The following TBL1X variants were observed in gnomAD, a reference collection of about 807,000 sequenced individuals.
TBL1X encodes the protein F-box-like/WD repeat-containing protein TBL1X.
A neutral mutation model predicts 50.7 loss-of-function variants in TBL1X; 10 were observed. The observed-to-expected ratio is 0.20, with a 90% CI of 0.12 to 0.33. TBL1X has a LOEUF of 0.33. TBL1X is among the 10% of genes least tolerant of loss of function. TBL1X has a pLI of 1.00. For missense variants in TBL1X, 340 were observed against 504.4 expected, an observed-to-expected ratio of 0.67 and a Z score of 3.12; for synonymous variants, 190 against 214.7, an observed-to-expected ratio of 0.88 and a Z score of 1.01.
intron 2 of TBL1X, among the ~76,000 whole-genome samples, chrX:9,582,323 G>T (rs1478367633): frequency 8.9e-6 from 1 of 112,241 alleles, no homozygotes; most frequent in Non-Finnish European, 1.9e-5. Flanking sequence ...ACACTTCTTT[G>T]CAAGCAATTT....
At chrX:9,672,993 G>T (rs1010489695) in intron 5 of TBL1X, among the ~76,000 whole-genome samples, 2 of 111,721 alleles carry the variant, frequency 1.8e-5, no homozygotes. Context: ...CATAGATGGC[G>T]CCTTCTCCCT....
intron 2 of TBL1X, among the ~76,000 whole-genome samples, chrX:9,600,497 C>T (rs1163826711): frequency 9.7e-6 from 1 of 102,925 alleles, no homozygotes; most frequent in Non-Finnish European, 2.0e-5. Context: ...AATGTCCGGA[C>T]CATAGAATAG....
intron 2 of TBL1X, among the ~76,000 whole-genome samples, chrX:9,523,832 T>G (rs1481927590): frequency 9.0e-6 from 1 of 111,379 alleles, no homozygotes; most frequent in Non-Finnish European, 1.9e-5. Context: ...AAAATAAAAG[T>G]AGAATCATAA....
At chrX:9,466,221 C>T (rs1332972738) in intron 1 of TBL1X, among the ~76,000 whole-genome samples, 1 of 112,588 alleles carries the variant, frequency 8.9e-6, no homozygotes, top group African/African-American at 3.2e-5. Flanking sequence ...GCCTTGCTAT[C>T]CAGGGGGACC....
At chrX:9,613,544 T>C in intron 2 of TBL1X, among the ~76,000 whole-genome samples, 1 of 111,940 alleles carries the variant, frequency 8.9e-6, no homozygotes, top group East Asian at 2.8e-4. Context: ...AATTGAGATA[T>C]AGTACAAATG....
chrX:9,474,454 G>C (rs1056903696), intron 1 of TBL1X, among the ~76,000 whole-genome samples: 2 of 113,385 alleles, frequency 1.8e-5, no homozygotes, highest in Admixed American at 9.3e-5. Context: ...AGATCCACCA[G>C]CTTAAGGACT....
chrX:9,675,283 C>A (rs2082986552), intron 5 of TBL1X, among the ~76,000 whole-genome samples: 1 of 111,454 alleles, frequency 9.0e-6, no homozygotes, highest in Non-Finnish European at 1.9e-5. Context: ...AATGCGCCAT[C>A]TTGGTGATGC....
chrX:9,469,423 A>G (rs5934618), intron 1 of TBL1X, among the ~76,000 whole-genome samples: 11,173 of 111,585 alleles, frequency 0.1, 1,002 homozygotes, highest in East Asian at 0.66. Context: ...TCGGCCTCCC[A>G]AAGTGCTGGG....
intron 2 of TBL1X, among the ~76,000 whole-genome samples, chrX:9,594,363 G>A (rs2082517403): frequency 8.9e-6 from 1 of 112,129 alleles, no homozygotes; most frequent in African/African-American, 3.2e-5. Context: ...TTTTTAGGTG[G>A]AGGTTAGTAT....
chrX:9,626,247 T>C (rs1465534638), intron 2 of TBL1X, among the ~76,000 whole-genome samples: 8 of 111,874 alleles, frequency 7.2e-5, no homozygotes, highest in Non-Finnish European at 9.4e-5. Flanking sequence ...CAGCATCCCA[T>C]GCCCAGACAC....
chrX:9,516,291 C>T (rs751178966), intron 2 of TBL1X, among the ~76,000 whole-genome samples: 3 of 111,803 alleles, frequency 2.7e-5, no homozygotes, highest in Non-Finnish European at 5.6e-5. Flanking sequence ...TCTCTTTTCT[C>T]TCCCCCACTG....
At chrX:9,470,683 G>T (rs2081808970) in intron 1 of TBL1X, among the ~76,000 whole-genome samples, 1 of 111,515 alleles carries the variant, frequency 9.0e-6, no homozygotes, top group Admixed American at 9.5e-5. Flanking sequence ...TTCCCAGGTT[G>T]GAGTGCAGTG....
chrX:9,682,710 C>G (rs903114070), intron 5 of TBL1X, among the ~76,000 whole-genome samples: 1 of 112,152 alleles, frequency 8.9e-6, no homozygotes, highest in African/African-American at 3.2e-5. Context: ...GCCACTGCCC[C>G]TCATTGGCTG....
intron 5 of TBL1X, among the ~76,000 whole-genome samples, chrX:9,662,863 G>T (rs1332376583): frequency 8.9e-6 from 1 of 112,255 alleles, no homozygotes; most frequent in Non-Finnish European, 1.9e-5. Context: ...AGGCTGAGGT[G>T]GGGGGATCAC....
At chrX:9,564,765 G>T (rs186826926) in intron 2 of TBL1X, among the ~76,000 whole-genome samples, 5 of 109,152 alleles carry the variant, frequency 4.6e-5, no homozygotes, top group Non-Finnish European at 7.6e-5. Context: ...GAGAAAGTTT[G>T]GTGTTAGTGT....
chrX:9,491,339 T>TATATATA (rs1491249258), intron 1 of TBL1X, among the ~76,000 whole-genome samples: 9 of 19,225 alleles, frequency 4.7e-4, no homozygotes, highest in Admixed American at 8.9e-4. Flanking sequence ...TATATATATA[T>TATATATA]TTTTTTTTTT....
chrX:9,657,899 A>G (rs2082873469), intron 5 of TBL1X, among the ~76,000 whole-genome samples: 1 of 112,344 alleles, frequency 8.9e-6, no homozygotes, highest in South Asian at 3.7e-4. Flanking sequence ...GGCTTTGACG[A>G]GTGATATGGT....
At position 9,655,804 on chromosome X, in the gene TBL1X, C is replaced by T. The variant is rs758228460; in HGVS notation, c.211+1482C>T. On this transcript the variant is annotated intron_variant, in intron 5 of 17. Transcript: ENST00000645353. Reference sequence around the variant, plus strand: ...AGCTGGCCTGGTAGGGTAGACTGTACGCATTGGAGCCACACAGAATGGCTC... The same window carrying T: ...AGCTGGCCTGGTAGGGTAGACTGTATGCATTGGAGCCACACAGAATGGCTC... Among the ~76,000 whole-genome samples the T allele has an allele frequency of 5.4e-5, 6 of 112,025 alleles. No homozygotes were observed. The South Asian group carries it at 1.5e-3, about 28-fold the overall frequency.
chrX:9,525,998 T>C (rs747616386), intron 2 of TBL1X, among the ~76,000 whole-genome samples: 6 of 111,273 alleles, frequency 5.4e-5, no homozygotes, highest in Non-Finnish European at 1.1e-4. Context: ...CATTTTTGTT[T>C]CTAGTCTTGT....
Sources: allele counts gnomAD v4.1 joint callset (sites outside exome capture counted in the v4.1 genomes callset), GRCh38; gene constraint gnomAD v4.1.1; transcripts MANE v1.5; gene names NCBI Gene and HGNC (gene_info 2026-07-23, HGNC 2026-07-21).